Variants in ERC2 observed in about 807,000 individuals in gnomAD.
The protein encoded by ERC2 is ELKS/RAB6-interacting/CAST family member 2.
Under a neutral mutation model 114.8 loss-of-function variants are expected in ERC2, and 42 were observed. That is an observed-to-expected ratio of 0.37 (90% CI 0.29 to 0.47). The LOEUF is 0.47. Ranked by LOEUF, ERC2 falls within the 20% of genes least tolerant of loss-of-function variation. The probability of loss-of-function intolerance (pLI) is 0.99; values close to 1 mark genes in which losing one functional copy is unlikely to be tolerated. For synonymous variants in ERC2, 454 were observed against 425.5 expected, an observed-to-expected ratio of 1.07 and a Z score of -0.82; for missense variants, 939 against 1,150.7, an observed-to-expected ratio of 0.82 and a Z score of 2.66.
intron 14 of ERC2, among the ~76,000 whole-genome samples, chr3:55,831,191 A>T (rs2060555892): frequency 6.7e-6 from 1 of 150,206 alleles, no homozygotes; most frequent in African/African-American, 2.5e-5. Flanking sequence ...ACAATGCTGG[A>T]GTCCTAGCTA....
intron 13 of ERC2, among the ~76,000 whole-genome samples, chr3:55,941,660 T>C (rs186139313): frequency 1.6e-4 from 25 of 152,332 alleles, no homozygotes; most frequent in Middle Eastern, 6.8e-3. Context: ...AAAGCAGCTA[T>C]TATTCTTTTG....
chr3:55,900,135 T>C (rs893588997), intron 13 of ERC2, among the ~76,000 whole-genome samples: 4 of 152,186 alleles, frequency 2.6e-5, no homozygotes, highest in Non-Finnish European at 5.9e-5. Context: ...GAGAGCCCAA[T>C]TGTTGGTGAC....
At chr3:55,706,709 G>A (rs2063509942) in intron 15 of ERC2, among the ~76,000 whole-genome samples, 1 of 152,140 alleles carries the variant, frequency 6.6e-6, no homozygotes, top group African/African-American at 2.4e-5. Flanking sequence ...ACCTCACCCA[G>A]CTTGGGGTCT....
intron 17 of ERC2, among the ~76,000 whole-genome samples, chr3:55,645,547 T>C (rs2060358025): frequency 6.6e-6 from 1 of 152,236 alleles, no homozygotes; most frequent in African/African-American, 2.4e-5. Flanking sequence ...ATCAGCTTGA[T>C]AAAGCCTTGC....
chr3:56,155,940 G>C (rs1274095852), intron 4 of ERC2, among the ~76,000 whole-genome samples: 1 of 152,116 alleles, frequency 6.6e-6, no homozygotes, highest in Non-Finnish European at 1.5e-5. Context: ...ATGAAAGGAA[G>C]GTGCTGCAGA....
At chr3:55,712,779 G>A (rs709340) in intron 15 of ERC2, among the ~76,000 whole-genome samples, 83,266 of 151,888 alleles carry the variant, frequency 0.55, 23,171 homozygotes, top group South Asian at 0.69. Flanking sequence ...GGCAGCTCAC[G>A]TCTTCAGATA....
intron 9 of ERC2, 122 bp downstream of exon 9, chr3:56,010,327 G>T: frequency 8.2e-7 from 1 of 1,213,806 alleles, no homozygotes; most frequent in Non-Finnish European, 1.1e-6. Context: ...ACAAAAGAAA[G>T]GTTACTACAT....
At chr3:56,011,640 C>T (rs889499427) in intron 8 of ERC2, among the ~76,000 whole-genome samples, 12 of 151,678 alleles carry the variant, frequency 7.9e-5, no homozygotes, top group Non-Finnish European at 1.6e-4. Context: ...CACACACATG[C>T]ACACGAAAAT....
At chr3:56,047,905 T>C (rs1215138291) in intron 7 of ERC2, among the ~76,000 whole-genome samples, 1 of 152,110 alleles carries the variant, frequency 6.6e-6, no homozygotes, top group Non-Finnish European at 1.5e-5. Context: ...GATGTAGAAT[T>C]GTACCCACAA....
chr3:55,579,778 C>A (rs568836542), intron 17 of ERC2, among the ~76,000 whole-genome samples: 108 of 152,360 alleles, frequency 7.1e-4, no homozygotes, highest in South Asian at 1.2e-3. Flanking sequence ...CTTTCACATG[C>A]TGCGCACTCG....
rs142660159 is a variant in ERC2 at position 55,896,139 on chromosome 3, C to T, written c.2404-7590G>A. 2.6e-3 allele frequency among the ~76,000 whole-genome samples: 389 copies of T among 152,320 alleles called. 3 individuals carry two copies. The highest frequency in any genetic ancestry group is 8.7e-3 in the African/African-American group (363 of 41,568). On this transcript the variant is annotated intron_variant, in intron 13 of 17. Coordinates refer to ENST00000288221, the MANE Select transcript of ERC2 (RefSeq NM_015576.3). ...ACTCCTTTCCTTCATTCCACCACCT[C>T]GCTAGGCATCTCCCACATGCCAGGC...
At chr3:56,369,485 T>C (rs943472091) in intron 2 of ERC2, among the ~76,000 whole-genome samples, 17 of 152,346 alleles carry the variant, frequency 1.1e-4, no homozygotes, top group African/African-American at 3.8e-4. Flanking sequence ...TATTACAATC[T>C]ATTATTCAGA....
intron 17 of ERC2, among the ~76,000 whole-genome samples, chr3:55,560,177 T>C (rs2055908507): frequency 6.6e-6 from 1 of 152,126 alleles, no homozygotes; most frequent in Non-Finnish European, 1.5e-5. Context: ...TGCCACTATG[T>C]CTCAAGAGCA....
intron 17 of ERC2, among the ~76,000 whole-genome samples, chr3:55,581,535 T>C (rs1430896613): frequency 2.0e-5 from 3 of 152,016 alleles, no homozygotes; most frequent in African/African-American, 4.8e-5. Context: ...AATTCACCAT[T>C]TGTGGCCAGC....
intron 14 of ERC2, among the ~76,000 whole-genome samples, chr3:55,769,911 T>G (rs1404204189): frequency 6.6e-6 from 1 of 152,192 alleles, no homozygotes; most frequent in African/African-American, 2.4e-5. Flanking sequence ...CACAATTATT[T>G]GCTCCCTGCT....
chr3:56,369,083 G>A (rs1054859950), intron 2 of ERC2, among the ~76,000 whole-genome samples: 3 of 152,278 alleles, frequency 2.0e-5, no homozygotes, highest in East Asian at 1.9e-4. Context: ...CCAAGGCAGC[G>A]GGCCAAGAAC....
At chr3:56,334,856 G>A (rs1476149690) in intron 2 of ERC2, among the ~76,000 whole-genome samples, 1 of 152,212 alleles carries the variant, frequency 6.6e-6, no homozygotes, top group African/African-American at 2.4e-5. Context: ...CCAGGCTGGA[G>A]TGCAGTGGCG....
chr3:55,883,934 A>G (rs1229601260), intron 14 of ERC2, among the ~76,000 whole-genome samples: 1 of 150,516 alleles, frequency 6.6e-6, no homozygotes, highest in Admixed American at 6.6e-5. Context: ...ACAACACCAC[A>G]AAACTGGAGA....
intron 14 of ERC2, among the ~76,000 whole-genome samples, chr3:55,821,743 C>CT (rs1400298076): frequency 6.6e-6 from 1 of 152,246 alleles, no homozygotes; most frequent in African/African-American, 2.4e-5. Flanking sequence ...AACCTAATAA[C>CT]ACCTAATACA....
Sources: gnomAD v4.1 joint callset for allele counts (sites outside exome capture counted in the v4.1 genomes callset) on GRCh38, gnomAD v4.1.1 for gene constraint, MANE v1.5 for transcripts, NCBI Gene and HGNC (gene_info 2026-07-23, HGNC 2026-07-21) for gene names.